The following CPED1 variants were observed in gnomAD, a reference collection of about 807,000 sequenced individuals.
CPED1 encodes cadherin-like and PC-esterase domain-containing protein 1.
CPED1 carries 114 observed loss-of-function variants against 128.2 expected under a neutral mutation model. The observed-to-expected ratio is 0.89, with a 90% CI of 0.76 to 1.04. CPED1 has a LOEUF of 1.04. Among genes scored for constraint, CPED1 ranks in the 50% least tolerant of loss-of-function variants. CPED1 has a pLI of 0.00. For missense variants in CPED1, 1,211 were observed against 1,207.1 expected, an observed-to-expected ratio of 1.00 and a Z score of -0.05; for synonymous variants, 462 against 426.7, an observed-to-expected ratio of 1.08 and a Z score of -1.02.
intron 18 of CPED1, chr7:121,261,712 C>T: frequency 1.2e-6 from 2 of 1,604,270 alleles, no homozygotes; most frequent in Non-Finnish European, 1.7e-6. Context: ...AAATGACCTC[C>T]CTGCCCCACC....
chr7:121,256,130 A>AAC (rs1791863522), intron 18 of CPED1, among the ~76,000 whole-genome samples: 1 of 35,194 alleles, frequency 2.8e-5, no homozygotes, highest in African/African-American at 4.4e-5. Context: ...AAAACAAAAC[A>AAC]AAAAAAAAAA....
chr7:121,071,546 T>C (rs1383586609), intron 5 of CPED1, among the ~76,000 whole-genome samples: 2 of 152,012 alleles, frequency 1.3e-5, no homozygotes, highest in Non-Finnish European at 2.9e-5. Flanking sequence ...TTCAACTCTT[T>C]TTTATTATTA....
intron 14 of CPED1, among the ~76,000 whole-genome samples, chr7:121,138,942 C>T (rs1046235982): frequency 6.0e-5 from 9 of 151,250 alleles, no homozygotes; most frequent in Admixed American, 2.6e-4. Flanking sequence ...GGGTCTTTAA[C>T]GGAGAAATTT....
At chr7:121,019,485 G>A (rs1217975814) in intron 3 of CPED1, among the ~76,000 whole-genome samples, 7 of 152,030 alleles carry the variant, frequency 4.6e-5, no homozygotes, top group Admixed American at 3.3e-4. Flanking sequence ...TAATTCTTAT[G>A]TGTAGCCCAG....
At chr7:121,174,740 G>GT (rs1180859491) in intron 16 of CPED1, among the ~76,000 whole-genome samples, 2 of 151,990 alleles carry the variant, frequency 1.3e-5, no homozygotes, top group Non-Finnish European at 2.9e-5. Flanking sequence ...TTTTAAAATA[G>GT]TTTTTTCTAG....
At chr7:121,208,683 C>A (rs755599386) in intron 16 of CPED1, among the ~76,000 whole-genome samples, 1 of 152,036 alleles carries the variant, frequency 6.6e-6, no homozygotes. Flanking sequence ...TCCTTCTATT[C>A]TCTTGTCATC....
intron 22 of CPED1, among the ~76,000 whole-genome samples, chr7:121,276,372 T>C (rs568767661): frequency 3.3e-4 from 51 of 152,248 alleles, no homozygotes; most frequent in African/African-American, 1.2e-3. Flanking sequence ...TTTCCACGTC[T>C]TTCTCCTACA....
intron 2 of CPED1, among the ~76,000 whole-genome samples, chr7:120,992,858 T>C (rs959976069): frequency 2.0e-5 from 3 of 152,186 alleles, no homozygotes; most frequent in Non-Finnish European, 4.4e-5. Flanking sequence ...TACCAAATAT[T>C]TGATGGTGGG....
intron 3 of CPED1, among the ~76,000 whole-genome samples, chr7:121,035,467 G>A (rs554266622): frequency 8.5e-5 from 13 of 152,296 alleles, no homozygotes; most frequent in African/African-American, 3.1e-4. Flanking sequence ...TTGGGAAGGA[G>A]ATGTGAGTAC....
intron 3 of CPED1, among the ~76,000 whole-genome samples, chr7:121,033,303 A>G (rs549519818): frequency 3.3e-5 from 5 of 152,316 alleles, no homozygotes; most frequent in East Asian, 1.9e-4. Flanking sequence ...TGTTTTCTTC[A>G]TGACACTATG....
intron 18 of CPED1, among the ~76,000 whole-genome samples, chr7:121,256,118 A>T (rs1433724817): frequency 3.5e-5 from 3 of 86,138 alleles, no homozygotes; most frequent in Non-Finnish European, 5.4e-5. Context: ...AAGCAAAAAA[A>T]AAAAACAAAA....
intron 4 of CPED1, among the ~76,000 whole-genome samples, chr7:121,059,241 A>G (rs1165773827): frequency 6.6e-6 from 1 of 152,214 alleles, no homozygotes; most frequent in Non-Finnish European, 1.5e-5. Flanking sequence ...ACATAGGAGT[A>G]CTGAGAACTA....
intron 14 of CPED1, among the ~76,000 whole-genome samples, chr7:121,138,183 A>G (rs1272471110): frequency 1.3e-5 from 2 of 152,112 alleles, no homozygotes; most frequent in African/African-American, 4.8e-5. Flanking sequence ...CTCATGTTCA[A>G]TATGAGTTAT....
At chr7:121,242,195 G>A (rs558705171) in intron 17 of CPED1, among the ~76,000 whole-genome samples, 9 of 152,104 alleles carry the variant, frequency 5.9e-5, no homozygotes, top group South Asian at 2.1e-4. Context: ...TCTATATTAC[G>A]TATAAATTAT....
chr7:121,136,178 G>GT, intron 14 of CPED1, 88 bp downstream of exon 14: 2 of 1,264,578 alleles, frequency 1.6e-6, no homozygotes, highest in Non-Finnish European at 2.2e-6. Flanking sequence ...TTTATTATAT[G>GT]TGGGTATCTT....
intron 3 of CPED1, among the ~76,000 whole-genome samples, chr7:121,029,499 G>T (rs1489681161): frequency 2.0e-5 from 3 of 152,182 alleles, no homozygotes; most frequent in African/African-American, 7.2e-5. Context: ...TATTAGAAAT[G>T]CTGGGAATGC....
At chr7:121,013,567 T>C (rs1161187844) in intron 2 of CPED1, among the ~76,000 whole-genome samples, 1 of 152,316 alleles carries the variant, frequency 6.6e-6, no homozygotes, top group African/African-American at 2.4e-5. Flanking sequence ...GCCTCCTACA[T>C]AGCAGGCATG....
intron 16 of CPED1, among the ~76,000 whole-genome samples, chr7:121,182,223 AATG>A (rs1422196420): frequency 8.9e-6 from 1 of 112,526 alleles, no homozygotes; most frequent in Non-Finnish European, 1.9e-5. Flanking sequence ...TTTTAGTTTT[AATG>A]ATGTTACATT....
At chr7:121,005,435 A>G (rs1463153810) in intron 2 of CPED1, among the ~76,000 whole-genome samples, 1 of 151,468 alleles carries the variant, frequency 6.6e-6, no homozygotes, top group African/African-American at 2.4e-5. Context: ...TCCTTTGGGT[A>G]TATACCCAGT....
Sources: gnomAD v4.1 joint callset for allele counts (sites outside exome capture counted in the v4.1 genomes callset) on GRCh38, gnomAD v4.1.1 for gene constraint, MANE v1.5 for transcripts, NCBI Gene and HGNC (gene_info 2026-07-23, HGNC 2026-07-21) for gene names.